The following RORA variants were observed in gnomAD, a reference collection of about 807,000 sequenced individuals.
The protein encoded by RORA is nuclear receptor ROR-alpha.
RORA carries 7 observed loss-of-function variants against 69.5 expected under a neutral mutation model. That is an observed-to-expected ratio of 0.10 (90% confidence interval 0.06 to 0.19). The LOEUF is 0.19. RORA is among the 10% of genes least tolerant of loss of function. RORA has a pLI of 1.00. For synonymous variants in RORA, 261 were observed against 240.8 expected, an observed-to-expected ratio of 1.08 and a Z score of -0.78; for missense variants, 457 against 663.0, an observed-to-expected ratio of 0.69 and a Z score of 3.41.
intron 1 of RORA, among the ~76,000 whole-genome samples, chr15:60,754,436 T>C (rs946474325): frequency 6.6e-6 from 1 of 152,222 alleles, no homozygotes; most frequent in African/African-American, 2.4e-5. Context: ...AGCTGTACTG[T>C]AGCATCCATA....
At chr15:60,972,969 C>G (rs1004802829) in intron 1 of RORA, among the ~76,000 whole-genome samples, 16 of 147,508 alleles carry the variant, frequency 1.1e-4, no homozygotes, top group African/African-American at 3.5e-4. Context: ...TAGATGAGGT[C>G]TTTAATTGAC....
intron 1 of RORA, among the ~76,000 whole-genome samples, chr15:60,878,170 CAAAAAAAA>C (rs11362081): frequency 3.6e-4 from 25 of 69,682 alleles, no homozygotes; most frequent in African/African-American, 9.6e-4. Context: ...ACTAAAAATA[CAAAAAAAA>C]AAAAAAAAAA....
At chr15:61,136,869 T>C (rs1433608939) in intron 1 of RORA, among the ~76,000 whole-genome samples, 1 of 152,116 alleles carries the variant, frequency 6.6e-6, no homozygotes, top group Non-Finnish European at 1.5e-5. Flanking sequence ...TCACCTTTAT[T>C]TTGAGTCCAA....
At chr15:61,023,346 A>G (rs190462691) in intron 1 of RORA, among the ~76,000 whole-genome samples, 1 of 152,274 alleles carries the variant, frequency 6.6e-6, no homozygotes, top group Non-Finnish European at 1.5e-5. Flanking sequence ...GAGGCAAAAG[A>G]CACTTCTTAC....
At chr15:60,813,370 G>A (rs944468122) in intron 1 of RORA, among the ~76,000 whole-genome samples, 2 of 152,200 alleles carry the variant, frequency 1.3e-5, no homozygotes, top group Admixed American at 1.3e-4. Context: ...GAGTGCTCAC[G>A]GTTGTGCATG....
At chr15:60,547,191 G>A (rs1267685031) in intron 2 of RORA, among the ~76,000 whole-genome samples, 1 of 152,134 alleles carries the variant, frequency 6.6e-6, no homozygotes, top group Non-Finnish European at 1.5e-5. Context: ...CAGGAACCTT[G>A]ACACCAAAAT....
At chr15:60,682,979 T>A (rs916606192) in intron 1 of RORA, among the ~76,000 whole-genome samples, 1 of 152,184 alleles carries the variant, frequency 6.6e-6, no homozygotes, top group Non-Finnish European at 1.5e-5. Context: ...TCTCTGGGTC[T>A]TAGTTTTCTT....
intron 1 of RORA, among the ~76,000 whole-genome samples, chr15:61,112,277 A>T (rs1351777544): frequency 6.6e-6 from 1 of 152,186 alleles, no homozygotes; most frequent in Non-Finnish European, 1.5e-5. Flanking sequence ...ACAAGTATTG[A>T]TCCGTCATGG....
At chr15:60,507,280 C>A (rs967822359) in intron 5 of RORA, among the ~76,000 whole-genome samples, 37 of 152,110 alleles carry the variant, frequency 2.4e-4, no homozygotes, top group Admixed American at 3.9e-4. Context: ...TTTAAAAGAA[C>A]GGTGCTGAAT....
rs10523030 is a variant in RORA, at chr15:61,147,766, C to CGT, written c.166+81285_166+81286dup. Among the ~76,000 whole-genome samples the CGT allele has an allele frequency of 0.073, 10,717 of 147,626 alleles. 1,024 individuals carry two copies. The highest frequency in any genetic ancestry group is 0.22 in the African/African-American group (9,044 of 40,200). On this transcript the variant is annotated intron_variant, in intron 1 of 10. Transcript: ENST00000335670. The surrounding 1 kb of genome is among the most constrained non-coding windows in gnomAD (Gnocchi z 4.1). ...TGGTCAGTAGGCACGTGCGCACACG[C>CGT]GTGTGTGTGTGTGTGTGTGTGTGTG...
chr15:60,747,889 T>C (rs1238337865), intron 1 of RORA, among the ~76,000 whole-genome samples: 10 of 152,208 alleles, frequency 6.6e-5, no homozygotes, highest in Admixed American at 6.5e-4. Flanking sequence ...TGCTTCTTTG[T>C]TTCTAGGACT....
At chr15:60,898,524 T>TAAATAAAC (rs1465844493) in intron 1 of RORA, among the ~76,000 whole-genome samples, 5,447 of 150,288 alleles carry the variant, frequency 0.036, 340 homozygotes, top group African/African-American at 0.13. Context: ...AATAAATAAA[T>TAAATAAAC]AAATAAATAA....
Position 60,597,037 on chromosome 15 carries a change from T to C in RORA, c.197-65186A>G, listed in dbSNP as rs374966064. Among the ~76,000 whole-genome samples the C allele has an allele frequency of 1.7e-3, 254 of 152,282 alleles. 3 individuals are homozygous for C. The highest frequency in any genetic ancestry group is 0.015 in the East Asian group (79 of 5,170). On this transcript the variant is annotated intron_variant, in intron 2 of 10. Transcript: ENST00000335670. ...ATCAGCTGACCTGTGCTCTGAAAAC[T>C]GTAGAGTTCCGTGAGTCGGTCCAAA...
chr15:60,653,801 T>C (rs1181197164), intron 2 of RORA, among the ~76,000 whole-genome samples: 1 of 151,926 alleles, frequency 6.6e-6, no homozygotes, highest in African/African-American at 2.4e-5. Context: ...TACTCTGATA[T>C]CATATTTCCT....
intron 1 of RORA, among the ~76,000 whole-genome samples, chr15:60,908,840 A>C (rs1310286134): frequency 6.6e-6 from 1 of 152,104 alleles, no homozygotes; most frequent in Admixed American, 6.5e-5. Flanking sequence ...GGTATACTGA[A>C]GATGGGCGTT....
chr15:61,066,913 A>G (rs1242303862), intron 1 of RORA, among the ~76,000 whole-genome samples: 1 of 146,248 alleles, frequency 6.8e-6, no homozygotes, highest in Admixed American at 6.9e-5. Context: ...AAAACCCAAA[A>G]AGGTGGATAG....
At position 60,502,064 on chromosome 15, in the gene RORA, T is replaced by G. The variant is rs1042271329; in HGVS notation, c.1183+696A>C. Among the ~76,000 whole-genome samples, 17 of 152,308 alleles carry G rather than the reference T, an allele frequency of 1.1e-4. No homozygotes were observed. In the East Asian group the frequency reaches 1.5e-3, roughly 14 times the overall value. On this transcript the variant is annotated intron_variant, in intron 8 of 10. Transcript: ENST00000335670. ...GGCATGATCTCAGCTCAGTTAAACC[T>G]CCACCTCCCGGTTTCAAGTGATTCT... is the stretch of plus-strand genomic sequence containing the variant.
At chr15:60,698,049 A>T (rs538847351) in intron 1 of RORA, among the ~76,000 whole-genome samples, 1 of 152,284 alleles carries the variant, frequency 6.6e-6, no homozygotes, top group Non-Finnish European at 1.5e-5. Context: ...AGCTGGAAAA[A>T]ACACTTCCGT....
At chr15:61,011,579 A>G (rs1459538643) in intron 1 of RORA, among the ~76,000 whole-genome samples, 1 of 152,172 alleles carries the variant, frequency 6.6e-6, no homozygotes, top group Non-Finnish European at 1.5e-5. Context: ...TTGGCAAAAT[A>G]CTCTCATGGA....
Sources: allele counts gnomAD v4.1 joint callset (sites outside exome capture counted in the v4.1 genomes callset), GRCh38; gene constraint gnomAD v4.1.1; non-coding constraint Gnocchi (gnomAD v3.1); transcripts MANE v1.5; gene names NCBI Gene and HGNC (gene_info 2026-07-23, HGNC 2026-07-21).